Variants in TCF7L2 observed in about 807,000 individuals in gnomAD.
TCF7L2 encodes the protein transcription factor 7 like 2.
TCF7L2 carries 23 observed loss-of-function variants against 77.9 expected under a neutral mutation model. That is an observed-to-expected ratio of 0.30 (90% confidence interval 0.21 to 0.42). The LOEUF (loss-of-function observed/expected upper bound fraction) is 0.42. Among genes scored for constraint, TCF7L2 ranks in the 10% least tolerant of loss-of-function variants. The pLI, the probability that TCF7L2 is intolerant of heterozygous loss-of-function variation, is 1.00. For missense variants in TCF7L2, 654 were observed against 793.1 expected (o/e 0.82, Z 2.11); for synonymous variants, 413 against 340.2 (o/e 1.21, Z -2.36).
intron 4 of TCF7L2, among the ~76,000 whole-genome samples, chr10:113,019,708 T>C (rs1031219806): frequency 3.3e-5 from 5 of 152,196 alleles, no homozygotes; most frequent in African/African-American, 4.8e-5. Context: ...TGGTTGATTT[T>C]TTTCTTTTGC....
At chr10:112,960,058 C>A (rs2134437465) in intron 3 of TCF7L2, among the ~76,000 whole-genome samples, 1 of 152,010 alleles carries the variant, frequency 6.6e-6, no homozygotes, top group East Asian at 1.9e-4. Flanking sequence ...TCCACCTCTT[C>A]CCAATTTAGC....
chr10:113,127,961 T>C (rs959588591), intron 5 of TCF7L2, among the ~76,000 whole-genome samples: 14 of 151,648 alleles, frequency 9.2e-5, no homozygotes, highest in Admixed American at 5.3e-4. Context: ...TGCCGCACTT[T>C]ATAAGTTATT....
intron 3 of TCF7L2, among the ~76,000 whole-genome samples, chr10:112,961,254 A>ACCGCCCCCCCCCCCCCC (rs1349844083): frequency 3.3e-5 from 2 of 60,482 alleles, no homozygotes; most frequent in African/African-American, 3.0e-4. Context: ...ACCTCAGGTG[A>ACCGCCCCCCCCCCCCCC]CCCCCCCCCC....
rs555769169 is a variant in TCF7L2, at chr10:112,959,308, A to G, written c.382-5248A>G. Among the ~76,000 whole-genome samples the G allele has an allele frequency of 2.6e-5, 4 of 152,282 alleles. No homozygotes were observed. The East Asian group carries it at 7.7e-4, about 29-fold the overall frequency. On this transcript the variant is annotated intron_variant, in intron 3 of 13. Coordinates refer to ENST00000627217, the MANE Select transcript of TCF7L2 (RefSeq NM_001146274.2). ...TCTTAGAGAATTTTGGTCTCAGGCA[A>G]TGTTGCAAGTCAATACTTCTTTCCC...
At chr10:113,031,249 TA>T (rs1383494156) in intron 4 of TCF7L2, among the ~76,000 whole-genome samples, 1 of 152,220 alleles carries the variant, frequency 6.6e-6, no homozygotes, top group Non-Finnish European at 1.5e-5. Context: ...TTTAGAGGTC[TA>T]AAAGAGCCTT....
chr10:113,047,464 A>G (rs1408987403), intron 5 of TCF7L2, among the ~76,000 whole-genome samples: 1 of 152,206 alleles, frequency 6.6e-6, no homozygotes, highest in Non-Finnish European at 1.5e-5. Flanking sequence ...CAAAACAGGC[A>G]AACGAAATCA....
rs77673441 is a variant in TCF7L2 at position 113,165,647 on chromosome 10, C to G, written c.1484C>G (p.Pro495Arg). Residue 495 changes from proline to arginine, a missense_variant, in exon 14 of 14, where the codon CCC becomes CGC. Pro to Arg is a moderately radical substitution (Grantham distance 103). Transcript: ENST00000627217. Reference sequence around the variant, plus strand: ...GGAAGCTTACTAGATTCGCCTCCCCCCTCCCCGAACCTGCTAGGCTCCCCT... The same window carrying G: ...GGAAGCTTACTAGATTCGCCTCCCCGCTCCCCGAACCTGCTAGGCTCCCCT... The G allele has an allele frequency of 5.8e-3, 9,405 of 1,612,206 alleles. 29 individuals carry two copies. Among genetic ancestry groups the G allele is most frequent in the Non-Finnish European group, 7.1e-3 (8,342 of 1,179,072 alleles).
At chr10:113,071,444 G>C (rs774076493) in intron 5 of TCF7L2, among the ~76,000 whole-genome samples, 5 of 152,156 alleles carry the variant, frequency 3.3e-5, no homozygotes, top group Non-Finnish European at 7.3e-5. Flanking sequence ...CAGACATGAA[G>C]ATATGGTACC....
chr10:113,006,121 A>G (rs962249819), intron 4 of TCF7L2, among the ~76,000 whole-genome samples: 3 of 152,132 alleles, frequency 2.0e-5, no homozygotes, highest in African/African-American at 7.2e-5. Flanking sequence ...CCTTTTAGAG[A>G]CTTTTCTTAT....
chr10:112,982,711 A>C (rs1386498199), intron 4 of TCF7L2, among the ~76,000 whole-genome samples: 1 of 151,896 alleles, frequency 6.6e-6, no homozygotes, highest in African/African-American at 2.4e-5. Flanking sequence ...GCCTCCATCC[A>C]CCTCCCGGAT....
At chr10:113,140,091 T>C (rs991288148) in intron 5 of TCF7L2, among the ~76,000 whole-genome samples, 1 of 152,248 alleles carries the variant, frequency 6.6e-6, no homozygotes, top group African/African-American at 2.4e-5. Context: ...AATGTCCCTG[T>C]TGTAGGATTT....
At chr10:112,964,660 C>G in intron 4 of TCF7L2, 36 bp downstream of exon 4, 1 of 1,573,058 alleles carries the variant, frequency 6.4e-7, no homozygotes, top group Non-Finnish European at 8.7e-7. Flanking sequence ...CTTGAATTGT[C>G]TATATGTAGG....
intron 5 of TCF7L2, among the ~76,000 whole-genome samples, chr10:113,107,010 A>C (rs772741173): frequency 1.6e-4 from 25 of 152,196 alleles, no homozygotes; most frequent in Non-Finnish European, 3.4e-4. Flanking sequence ...CTGGTTTTAT[A>C]ATTTTTGCGA....
At chr10:113,160,207 C>T (rs2072920306) in intron 12 of TCF7L2, among the ~76,000 whole-genome samples, 1 of 151,974 alleles carries the variant, frequency 6.6e-6, no homozygotes, top group Non-Finnish European at 1.5e-5. Context: ...TCACTCGTGC[C>T]TCCTCGGGTC....
chr10:112,968,002 G>T (rs1438161233), intron 4 of TCF7L2, among the ~76,000 whole-genome samples: 2 of 152,174 alleles, frequency 1.3e-5, no homozygotes, highest in African/African-American at 4.8e-5. Context: ...ATGTTTTATT[G>T]AAGTATAATA....
At chr10:113,153,278 C>T (rs1417641247) in intron 11 of TCF7L2, among the ~76,000 whole-genome samples, 1 of 152,266 alleles carries the variant, frequency 6.6e-6, no homozygotes, top group African/African-American at 2.4e-5. Context: ...TGCCCAGTAA[C>T]TCCGCTTTCC....
chr10:112,960,717 C>T lies in TCF7L2; in HGVS notation c.382-3839C>T, dbSNP rs143746524. On this transcript the variant is annotated intron_variant, in intron 3 of 13. Coordinates refer to ENST00000627217, the MANE Select transcript of TCF7L2 (RefSeq NM_001146274.2). ...TTTTTTTTTTTTTGAGATGGAGTTT[C>T]GCTCTTGTTTTCCAGGCCGGAGTGC... Among the ~76,000 whole-genome samples the T allele has an allele frequency of 4.6e-3, 684 of 147,528 alleles. 6 individuals carry two copies. Among genetic ancestry groups the T allele is most frequent in the African/African-American group, 0.016 (617 of 39,526 alleles).
intron 5 of TCF7L2, among the ~76,000 whole-genome samples, chr10:113,078,083 T>G (rs1039428188): frequency 6.6e-6 from 1 of 151,774 alleles, no homozygotes; most frequent in African/African-American, 2.4e-5. Context: ...TATATGGATA[T>G]CCCATATTTT....
At chr10:112,961,253 G>GAC (rs1295343591) in intron 3 of TCF7L2, among the ~76,000 whole-genome samples, 2 of 49,798 alleles carry the variant, frequency 4.0e-5, no homozygotes, top group African/African-American at 3.1e-4. Context: ...GACCTCAGGT[G>GAC]ACCCCCCCCC....
Sources: gnomAD v4.1 joint callset for allele counts (sites outside exome capture counted in the v4.1 genomes callset) on GRCh38, gnomAD v4.1.1 for gene constraint, MANE v1.5 for transcripts, NCBI Gene and HGNC (gene_info 2026-07-23, HGNC 2026-07-21) for gene names.